SMCHD1: variants seen among roughly 807,000 people sequenced by gnomAD.
SMCHD1 encodes structural maintenance of chromosomes flexible hinge domain containing 1, also known as structural maintenance of chromosomes flexible hinge domain-containing protein 1.
Under a neutral mutation model 254.7 loss-of-function variants are expected in SMCHD1, and 78 were observed. The observed-to-expected ratio is 0.31, with a 90% CI of 0.26 to 0.37. The LOEUF is 0.37. Ranked by LOEUF, SMCHD1 falls within the 10% of genes least tolerant of loss-of-function variation. The pLI, the probability that SMCHD1 is intolerant of heterozygous loss-of-function variation, is 1.00. For missense variants in SMCHD1, 1,840 were observed against 2,408.1 expected, an observed-to-expected ratio of 0.76 and a Z score of 4.94; for synonymous variants, 766 against 794.9, an observed-to-expected ratio of 0.96 and a Z score of 0.61.
In SMCHD1 at chr18:2,784,388, C is replaced by T; in HGVS notation, c.5548-62C>T. 4 of 1,346,292 alleles carry T rather than the reference C, an allele frequency of 3.0e-6. No individual in the cohort carries two copies. The South Asian group carries it at 4.2e-5, about 14-fold the overall frequency. The allele number at this position is 1,346,292 out of a possible 1,614,324, so 83.4% of individuals were successfully genotyped here. On this transcript the variant is annotated intron_variant, in intron 44 of 47. Transcript: ENST00000320876. ...TAATCTCAGAAACTTTAAATTATTT[C>T]TCCTTTTTTGGAGCAGTTGAAATAA...
At chr18:2,737,996 A>G (rs1393974687) in intron 25 of SMCHD1, among the ~76,000 whole-genome samples, 1 of 152,226 alleles carries the variant, frequency 6.6e-6, no homozygotes, top group Non-Finnish European at 1.5e-5. Flanking sequence ...CTTGCTAAGA[A>G]TAACGTCCAC....
chr18:2,712,441 T>G (rs541313934), intron 17 of SMCHD1, among the ~76,000 whole-genome samples: 13 of 152,356 alleles, frequency 8.5e-5, no homozygotes, highest in African/African-American at 2.9e-4. Context: ...AACATGGGTT[T>G]GAACTGTGCA....
At position 2,743,807 on chromosome 18, in the gene SMCHD1, G is replaced by GT; in HGVS notation, c.3681dup (p.Pro1228SerfsTer5). On this transcript the variant is annotated frameshift_variant, in exon 29 of 48. Transcript: ENST00000320876. LOFTEE classifies it high-confidence loss of function. ...GTAAGAGGCATCAAATTTATTCCAG[G>GT]TCCTCCTGGAAATAAGGATCTTTGT... 1 of 1,613,046 alleles carries GT rather than the reference G, an allele frequency of 6.2e-7. No homozygotes were observed. The highest frequency in any genetic ancestry group is 8.5e-7 in the Non-Finnish European group (1 of 1,179,468).
chr18:2,754,267 G>T (rs995698562), intron 34 of SMCHD1, among the ~76,000 whole-genome samples: 3 of 152,026 alleles, frequency 2.0e-5, no homozygotes, highest in Non-Finnish European at 4.4e-5. Flanking sequence ...TTATTGTGTT[G>T]GGGGTTCCCA....
At chr18:2,703,070 T>C (rs1203101278) in intron 12 of SMCHD1, among the ~76,000 whole-genome samples, 1 of 152,226 alleles carries the variant, frequency 6.6e-6, no homozygotes, top group African/African-American at 2.4e-5. Flanking sequence ...TTCAGTTTTA[T>C]GAGTTTATTT....
At chr18:2,684,366 G>A (rs1378667407) in intron 5 of SMCHD1, among the ~76,000 whole-genome samples, 1 of 151,936 alleles carries the variant, frequency 6.6e-6, no homozygotes, top group Non-Finnish European at 1.5e-5. Flanking sequence ...TGTTTTAATT[G>A]TTCTTTGTTC....
Position 2,732,397 on chromosome 18 carries a change from A to G in SMCHD1, c.3181A>G (p.Ile1061Val). ...CAAACATCAGGATGAGGTTAATTGG[A>G]TAGCGGGTGATATTATGCATAATCT... is the stretch of plus-strand genomic sequence containing the variant. Reference protein sequence around the residue: ...QIKHQDEVNWIAGDIMHNLIF... With the variant: ...QIKHQDEVNWVAGDIMHNLIF... Residue 1061 changes from isoleucine to valine, a missense_variant, in exon 25 of 48, where the codon ATA (isoleucine) becomes GTA (valine). Ile to Val is a conservative substitution (Grantham distance 29, BLOSUM62 3). Coordinates refer to ENST00000320876, the MANE Select transcript of SMCHD1 (RefSeq NM_015295.3). 6.2e-7 allele frequency: 1 copy of G among 1,613,592 alleles called. No individual in the cohort carries two copies. The highest frequency in any genetic ancestry group is 1.1e-5 in the South Asian group (1 of 91,076).
chr18:2,656,754 C>T (rs2073073634), intron 1 of SMCHD1, among the ~76,000 whole-genome samples: 1 of 152,174 alleles, frequency 6.6e-6, no homozygotes, highest in Admixed American at 6.5e-5. Context: ...GGGGTGTCCC[C>T]GGGTTGCCCT....
intron 2 of SMCHD1, 79 bp from the exon 3 acceptor site, chr18:2,666,791 A>G (rs1263005719): frequency 1.7e-6 from 2 of 1,164,226 alleles, no homozygotes; most frequent in Non-Finnish European, 2.4e-6. Flanking sequence ...TCATAGATAG[A>G]ATTTGTATAT....
At chr18:2,793,665 AAAAAAAG>A (rs1288770486) in intron 45 of SMCHD1, among the ~76,000 whole-genome samples, 2 of 144,878 alleles carry the variant, frequency 1.4e-5, no homozygotes, top group Non-Finnish European at 1.5e-5. Flanking sequence ...TCAAAAAAAA[AAAAAAAG>A]AAAGAAAACA....
Position 2,708,886 on chromosome 18 carries a change from AT to A in SMCHD1, c.2260+967del, listed in dbSNP as rs1568198320. Among the ~76,000 whole-genome samples, 71 of 72,314 alleles carry A rather than the reference AT, an allele frequency of 9.8e-4. 4 individuals are homozygous for A. Among genetic ancestry groups the A allele is most frequent in the South Asian group, 1.7e-3 (3 of 1,782 alleles). The allele number at this position is 72,314 out of a possible 152,430, so 47.4% of individuals were successfully genotyped here. ...TAACTTCATATATATATATATATAT[AT>A]ATATATATATATATATATATAACAT... is the stretch of plus-strand genomic sequence containing the variant. On this transcript the variant is annotated intron_variant, in intron 17 of 47. Coordinates refer to ENST00000320876, the MANE Select transcript of SMCHD1 (RefSeq NM_015295.3).
At chr18:2,786,700 GA>G (rs1191402507) in intron 45 of SMCHD1, among the ~76,000 whole-genome samples, 3 of 151,990 alleles carry the variant, frequency 2.0e-5, no homozygotes, top group African/African-American at 4.8e-5. Context: ...ATAAAAAAAA[GA>G]AAAAGAAACA....
rs751316696 is a variant in SMCHD1 at position 2,750,133 on chromosome 18, A to G, written c.4007+11A>G. On this transcript the variant is annotated intron_variant, in intron 31 of 47. Transcript: ENST00000320876. ...TGTTTTTGCCCCTAGGTAAGAACCA[A>G]AAGTTTGATAGTTGTTGGTGTTATA... is the stretch of plus-strand genomic sequence containing the variant. 3.2e-6 allele frequency: 5 copies of G among 1,570,792 alleles called. No individual in the cohort carries two copies. Among genetic ancestry groups the G allele is most frequent in the South Asian group, 1.2e-5 (1 of 85,678 alleles).
Position 2,740,686 on chromosome 18 carries a change from A to G in SMCHD1, c.3515-17A>G. 7.3e-7 allele frequency: 1 copy of G among 1,374,156 alleles called. No homozygotes were observed. Among genetic ancestry groups the G allele is most frequent in the South Asian group, 1.3e-5 (1 of 77,642 alleles). The allele number at this position is 1,374,156 out of a possible 1,614,324, so 85.1% of individuals were successfully genotyped here. On this transcript the variant is annotated splice_polypyrimidine_tract_variant and intron_variant, in intron 27 of 47. Coordinates refer to ENST00000320876, the MANE Select transcript of SMCHD1 (RefSeq NM_015295.3). ...TATTAAAAGATAATACTAAAATAAAACTTCCCCCTTTTTTAGTTATAATAA... is the reference window on the plus strand; with the variant it reads ...TATTAAAAGATAATACTAAAATAAAGCTTCCCCCTTTTTTAGTTATAATAA...
chr18:2,791,951 C>A (rs185044529), intron 45 of SMCHD1, among the ~76,000 whole-genome samples: 1 of 152,166 alleles, frequency 6.6e-6, no homozygotes, highest in Non-Finnish European at 1.5e-5. Flanking sequence ...GAAGAGGAAA[C>A]AGTAGTCAGA....
intron 4 of SMCHD1, 117 bp downstream of exon 4, chr18:2,673,480 T>G (rs2073666037): frequency 1.3e-6 from 1 of 779,358 alleles, no homozygotes; most frequent in Non-Finnish European, 1.9e-6. Context: ...TTGTCAGATA[T>G]CTCTTCATCC....
chr18:2,664,669 C>G (rs926541698), intron 1 of SMCHD1, among the ~76,000 whole-genome samples: 3 of 152,134 alleles, frequency 2.0e-5, no homozygotes, highest in African/African-American at 7.2e-5. Context: ...CTGGGAGGCA[C>G]GTGATGTGTG....
rs1568421633 is a variant in SMCHD1, at chr18:2,802,778, A to G, written c.*226A>G. 3 of 423,896 alleles carry G rather than the reference A, an allele frequency of 7.1e-6. No individual in the cohort carries two copies. Among genetic ancestry groups the G allele is most frequent in the Admixed American group, 8.5e-5 (2 of 23,562 alleles). The allele number at this position is 423,896 out of a possible 1,614,324, so 26.3% of individuals were successfully genotyped here. A position where few individuals can be genotyped will look rare whatever the true frequency, so the allele number is the denominator to read the frequency against. On this transcript the variant is annotated 3_prime_UTR_variant, in exon 48 of 48. Transcript: ENST00000320876. Reference sequence around the variant, plus strand: ...ATTTACTGGAATTATTCCAGACATTATGCCCTTTGGTTGTCACTACCTTGC... The same window carrying G: ...ATTTACTGGAATTATTCCAGACATTGTGCCCTTTGGTTGTCACTACCTTGC...
chr18:2,722,661 A>G lies in SMCHD1; in HGVS notation c.2601A>G (p.Ala867=). 6.2e-7 allele frequency: 1 copy of G among 1,607,400 alleles called. No homozygotes were observed. The highest frequency in any genetic ancestry group is 8.5e-7 in the Non-Finnish European group (1 of 1,177,758). Reference sequence around the variant, plus strand: ...CTGATATTCAGCCAGTTCTTGAAGCAAGGTAATTTGAAGGATCAATATGTA... The same window carrying G: ...CTGATATTCAGCCAGTTCTTGAAGCGAGGTAATTTGAAGGATCAATATGTA... ...LVTDIQPVLE[A]SGLSLHYEEI... The change falls in exon 20 of 48, where the codon GCA becomes GCG. Residue 867 remains alanine, a splice_region_variant and synonymous_variant. Transcript: ENST00000320876.
Sources: gnomAD v4.1 joint callset for allele counts (sites outside exome capture counted in the v4.1 genomes callset) on GRCh38, gnomAD v4.1.1 for gene constraint, MANE v1.5 for transcripts, NCBI Gene and HGNC (gene_info 2026-07-23, HGNC 2026-07-21) for gene names.